SUFU: variants seen among roughly 807,000 people sequenced by gnomAD.
SUFU encodes the protein suppressor of fused homolog.
A neutral mutation model predicts 58.9 loss-of-function variants in SUFU; 7 were observed. That is an observed-to-expected ratio of 0.12 (90% CI 0.07 to 0.22). The LOEUF is 0.22. Among genes scored for constraint, SUFU ranks in the 10% least tolerant of loss-of-function variants. The pLI is 1.00. For missense variants in SUFU, 451 were observed against 641.3 expected (o/e 0.70, Z 3.20); for synonymous variants, 232 against 254.8 (o/e 0.91, Z 0.85).
At chr10:102,528,593 C>A (rs1461356941) in intron 2 of SUFU, among the ~76,000 whole-genome samples, 16 of 152,138 alleles carry the variant, frequency 1.1e-4, no homozygotes. Context: ...AAATAAAATT[C>A]AGTGTCTTAT....
rs184738236 is a variant in SUFU, at chr10:102,570,801, C to T, written c.454+20695C>T. On this transcript the variant is annotated intron_variant, in intron 3 of 11. Coordinates refer to ENST00000369902, the MANE Select transcript of SUFU (RefSeq NM_016169.4). ...TCCTCGAAGAAAACATCTGCTCTTC[C>T]TATGTGGGTGGATTCTATGTCTGTG... is the stretch of plus-strand genomic sequence containing the variant. Among the ~76,000 whole-genome samples the T allele has an allele frequency of 1.6e-4, 24 of 152,234 alleles. No homozygotes were observed. In the East Asian group the frequency reaches 4.4e-3, roughly 28 times the overall value.
chr10:102,579,613 T>G (rs1321887716), intron 3 of SUFU, among the ~76,000 whole-genome samples: 1 of 152,230 alleles, frequency 6.6e-6, no homozygotes, highest in Non-Finnish European at 1.5e-5. Flanking sequence ...TGCGATTCCT[T>G]TGATTCCAGG....
intron 2 of SUFU, among the ~76,000 whole-genome samples, chr10:102,545,868 G>A (rs2135733812): frequency 6.6e-6 from 1 of 152,280 alleles, no homozygotes; most frequent in South Asian, 2.1e-4. Context: ...CAGCTACTCA[G>A]GAGGCTGAGG....
chr10:102,573,064 G>T, intron 3 of SUFU: 3 of 801,250 alleles, frequency 3.7e-6, no homozygotes, highest in Non-Finnish European at 6.6e-6. Flanking sequence ...GCTGCCTCCA[G>T]AATCGCAGTG....
At chr10:102,593,946 A>G (rs1590063256) in intron 5 of SUFU, 47 bp from the exon 6 acceptor site, 12 of 1,607,412 alleles carry the variant, frequency 7.5e-6, no homozygotes, top group Non-Finnish European at 9.4e-6. Flanking sequence ...CCAGCCCATC[A>G]GCCCCAGACC....
intron 3 of SUFU, among the ~76,000 whole-genome samples, chr10:102,555,247 G>A (rs1291432864): frequency 4.3e-5 from 6 of 139,582 alleles, no homozygotes; most frequent in South Asian, 2.3e-4. Flanking sequence ...CAGCCTGGGC[G>A]TCAGAGTGAG....
At chr10:102,530,154 G>T (rs1007431384) in intron 2 of SUFU, among the ~76,000 whole-genome samples, 2 of 152,084 alleles carry the variant, frequency 1.3e-5, no homozygotes, top group East Asian at 3.9e-4. Context: ...GGGGTTTGAT[G>T]GGCTCAGTTG....
chr10:102,617,292 G>A lies in SUFU; in HGVS notation c.1160G>A (p.Gly387Asp), dbSNP rs747945243. Residue 387 changes from glycine (G) to aspartate (D), a missense_variant and splice_region_variant, in exon 10 of 12, where the codon GGC (glycine) becomes GAC (aspartate). Coordinates refer to ENST00000369902, the MANE Select transcript of SUFU (RefSeq NM_016169.4). This position sits in a 1 kb window ranked among gnomAD's most constrained non-coding sequence, Gnocchi z 4.4. ...TGTCTCCATGTTCCCATCTCCAGGG[G>A]CAGGCTCCTGCATGGACGGCACTTT... ...SGALIPLCLR[G>D]RLLHGRHFTY... 4.3e-6 allele frequency: 7 copies of A among 1,614,196 alleles called. No homozygotes were observed. Among genetic ancestry groups the A allele is most frequent in the Non-Finnish European group, 5.1e-6 (6 of 1,180,040 alleles).
rs543150521 is a variant in SUFU at position 102,619,828 on chromosome 10, G to T, written c.1296+2400G>T. Reference sequence around the variant, plus strand: ...GTGGGCCTCTAGATCTCCCTCTGGGGCTGGCTGTCTCCCTGGGAGTCTGCA... The same window carrying T: ...GTGGGCCTCTAGATCTCCCTCTGGGTCTGGCTGTCTCCCTGGGAGTCTGCA... On this transcript the variant is annotated intron_variant, in intron 10 of 11. Transcript: ENST00000369902. This position sits in a 1 kb window ranked among gnomAD's most constrained non-coding sequence, Gnocchi z 4.2. Among the ~76,000 whole-genome samples the T allele has an allele frequency of 3.2e-4, 49 of 152,260 alleles. No individual in the cohort carries two copies. Among genetic ancestry groups the T allele is most frequent in the Admixed American group, 1.2e-3 (19 of 15,298 alleles).
intron 3 of SUFU, among the ~76,000 whole-genome samples, chr10:102,568,651 A>G (rs1184546698): frequency 6.6e-6 from 1 of 151,780 alleles, no homozygotes; most frequent in Non-Finnish European, 1.5e-5. Context: ...AGGCAGGTGG[A>G]TCACCTGAGG....
chr10:102,509,688 C>G (rs1229872459), intron 2 of SUFU, among the ~76,000 whole-genome samples: 1 of 152,154 alleles, frequency 6.6e-6, no homozygotes, highest in Non-Finnish European at 1.5e-5. Context: ...TTATAGTGAA[C>G]ACTCATATAC....
At chr10:102,549,410 A>ATG (rs1564676082) in intron 2 of SUFU, among the ~76,000 whole-genome samples, 1 of 152,190 alleles carries the variant, frequency 6.6e-6, no homozygotes, top group Non-Finnish European at 1.5e-5. Context: ...CACTATGACA[A>ATG]GAACACTGTG....
chr10:102,623,846 A>G (rs776783755), intron 10 of SUFU, among the ~76,000 whole-genome samples: 11 of 152,212 alleles, frequency 7.2e-5, no homozygotes, highest in Non-Finnish European at 1.2e-4. Context: ...AGGCTGAGGC[A>G]GGAGAATCGC....
At chr10:102,585,913 C>G (rs540914400) in intron 3 of SUFU, among the ~76,000 whole-genome samples, 2 of 136,890 alleles carry the variant, frequency 1.5e-5, no homozygotes, top group East Asian at 4.4e-4. Flanking sequence ...TTGACAGAGT[C>G]TCACTCTGTT....
intron 3 of SUFU, among the ~76,000 whole-genome samples, chr10:102,576,232 C>G (rs935498278): frequency 6.6e-6 from 1 of 152,080 alleles, no homozygotes; most frequent in African/African-American, 2.4e-5. Context: ...GCTAAAGAAA[C>G]CCTCTTTATC....
chr10:102,619,716 C>T lies in SUFU; in HGVS notation c.1296+2288C>T, dbSNP rs1325436064. 6.6e-6 allele frequency among the ~76,000 whole-genome samples: 1 copy of T among 152,240 alleles called. No individual in the cohort carries two copies. Among genetic ancestry groups the T allele is most frequent in the Non-Finnish European group, 1.5e-5 (1 of 68,044 alleles). On this transcript the variant is annotated intron_variant, in intron 10 of 11. Transcript: ENST00000369902. This position sits in a 1 kb window ranked among gnomAD's most constrained non-coding sequence, Gnocchi z 4.2. ...GGCAGTCAGCACTTTCTCCCTCTGA[C>T]TGCCAGCCAGCCGCCCCTGTTAGGG...
chr10:102,524,611 G>A (rs923652275), intron 2 of SUFU, among the ~76,000 whole-genome samples: 27 of 152,048 alleles, frequency 1.8e-4, no homozygotes, highest in Non-Finnish European at 2.8e-4. Context: ...GTGAGCCACC[G>A]TGCCCAGCCT....
rs1409831622 is a variant in SUFU, at chr10:102,568,962, A to ATATATATATATC, written c.454+18857_454+18858insATATATATATCT. Among the ~76,000 whole-genome samples the ATATATATATATC allele has an allele frequency of 9.9e-5, 8 of 80,922 alleles. 1 individual carries two copies. Among genetic ancestry groups the ATATATATATATC allele is most frequent in the East Asian group, 3.2e-4 (1 of 3,148 alleles). The allele number at this position is 80,922 out of a possible 152,430, so 53.1% of individuals were successfully genotyped here. On this transcript the variant is annotated intron_variant, in intron 3 of 11. Transcript: ENST00000369902. ...TATATATATATATATATATATATAT[A>ATATATATATATC]TCTATAGCAGTGCTTGTAATTGTAT...
chr10:102,503,281 G>A (rs1467770156), upstream of SUFU, among the ~76,000 whole-genome samples: 2 of 152,082 alleles, frequency 1.3e-5, no homozygotes, highest in East Asian at 3.8e-4. Context: ...GTACATTGTC[G>A]TTGCCTTTTG....
Sources: allele counts gnomAD v4.1 joint callset (sites outside exome capture counted in the v4.1 genomes callset), GRCh38; gene constraint gnomAD v4.1.1; non-coding constraint Gnocchi (gnomAD v3.1); transcripts MANE v1.5; gene names NCBI Gene and HGNC (gene_info 2026-07-23, HGNC 2026-07-21).